The following ANKRD36B variants were observed in gnomAD, a reference collection of about 807,000 sequenced individuals.
ANKRD36B encodes the protein ankyrin repeat domain-containing protein 36B.
Under a neutral mutation model 135.7 loss-of-function variants are expected in ANKRD36B, and 37 were observed. That is an observed-to-expected ratio of 0.27 (90% CI 0.21 to 0.36). ANKRD36B has a LOEUF of 0.36. Among genes scored for constraint, ANKRD36B ranks in the 10% least tolerant of loss-of-function variants. The pLI, the probability that ANKRD36B is intolerant of heterozygous loss-of-function variation, is 1.00. For missense variants in ANKRD36B, 549 were observed against 1,037.1 expected (o/e 0.53, Z 6.46); for synonymous variants, 179 against 348.1 (o/e 0.51, Z 5.41).
At chr2:97,577,622 A>C (rs1235196649) in intron 5 of ANKRD36B, among the ~76,000 whole-genome samples, 1 of 149,360 alleles carries the variant, frequency 6.7e-6, no homozygotes, top group Non-Finnish European at 1.5e-5. Context: ...AAGCAAGCAC[A>C]AAGCCTTACT....
intron 6 of ANKRD36B, among the ~76,000 whole-genome samples, chr2:97,570,742 G>A (rs1335824631): frequency 1.3e-5 from 2 of 152,156 alleles, no homozygotes; most frequent in Non-Finnish European, 2.9e-5. Context: ...TTTGCCCTGA[G>A]CCAATTTTAC....
chr2:97,553,476 T>A (rs1039325335), intron 14 of ANKRD36B, 105 bp from the exon 15 acceptor site: 2 of 1,338,844 alleles, frequency 1.5e-6, no homozygotes, highest in Non-Finnish European at 2.1e-6. Flanking sequence ...CCTGTATTAG[T>A]GTAGGCTTTG....
rs1272746325 is a variant in ANKRD36B at position 97,538,804 on chromosome 2, C to A, written c.1988-441G>T. On this transcript the variant is annotated intron_variant, in intron 30 of 43. Coordinates refer to ENST00000359901, the MANE Select transcript of ANKRD36B (RefSeq NM_001393939.1). ...AGTATTCATCATGCTCTTTAACTTG[C>A]CTGGTAATTGAGCAGGTACACAATG... 2.1e-5 allele frequency among the ~76,000 whole-genome samples: 2 copies of A among 97,030 alleles called. 1 individual carries two copies. Among genetic ancestry groups the A allele is most frequent in the Non-Finnish European group, 5.5e-5 (2 of 36,450 alleles). The allele number at this position is 97,030 out of a possible 152,430, so 63.7% of individuals were successfully genotyped here. A position where few individuals can be genotyped will look rare whatever the true frequency, so the allele number is the denominator to read the frequency against.
At chr2:97,515,070 T>G (rs1472659704) in intron 37 of ANKRD36B, among the ~76,000 whole-genome samples, 1 of 71,668 alleles carries the variant, frequency 1.4e-5, no homozygotes, top group African/African-American at 4.4e-5. Flanking sequence ...ACCTGGCTAA[T>G]TTTTTGTATT....
At chr2:97,560,951 T>A (rs1325681114) in intron 6 of ANKRD36B, 91 bp from the exon 7 acceptor site, 19 of 1,072,180 alleles carry the variant, frequency 1.8e-5, no homozygotes, top group Non-Finnish European at 2.5e-5. Flanking sequence ...TAGCATCAAG[T>A]TTTGTACTCC....
chr2:97,572,498 T>C (rs2081949783), intron 6 of ANKRD36B, among the ~76,000 whole-genome samples: 1 of 125,848 alleles, frequency 7.9e-6, no homozygotes, highest in African/African-American at 2.7e-5. Flanking sequence ...TTAACTTAAT[T>C]TGAAAATTTA....
rs773406346 is a variant in ANKRD36B at position 97,578,893 on chromosome 2, C to T, written c.695+13G>A. The T allele has an allele frequency of 3.3e-5, 53 of 1,608,450 alleles. No individual in the cohort carries two copies. The highest frequency in any genetic ancestry group is 1.8e-4 in the East Asian group (8 of 44,798). ...AATTTAGTGTTCATTAGCCTTTTTA[C>T]GTAAAGACTTACACTCTATTCTCAG... On this transcript the variant is annotated intron_variant, in intron 5 of 43. Transcript: ENST00000359901.
chr2:97,551,594 T>C, intron 16 of ANKRD36B, 114 bp from the exon 17 acceptor site: 2 of 1,503,316 alleles, frequency 1.3e-6, no homozygotes, highest in Non-Finnish European at 1.8e-6. Context: ...AGCGTAGGTT[T>C]TGATGGCTTC....
chr2:97,537,108 T>C lies in ANKRD36B; in HGVS notation c.2090-612A>G, dbSNP rs572237804. Among the ~76,000 whole-genome samples the C allele has an allele frequency of 2.4e-4, 23 of 96,328 alleles. 6 individuals are homozygous for C. Among genetic ancestry groups the C allele is most frequent in the African/African-American group, 7.1e-4 (23 of 32,196 alleles). The allele number at this position is 96,328 out of a possible 152,430, so 63.2% of individuals were successfully genotyped here. The stretch of plus-strand genomic sequence containing the variant: ...TAATAGTCTGCCTACATTTCTTATA[T>C]CCTCTAGTTTAGCCTTCAGAAAGTT... On this transcript the variant is annotated intron_variant, in intron 32 of 43. Transcript: ENST00000359901.
At chr2:97,587,855 C>T (rs1441874604) in intron 1 of ANKRD36B, among the ~76,000 whole-genome samples, 2 of 152,084 alleles carry the variant, frequency 1.3e-5, no homozygotes, top group Non-Finnish European at 2.9e-5. Flanking sequence ...CCTTCTCCTC[C>T]CAGGAACACT....
intron 6 of ANKRD36B, among the ~76,000 whole-genome samples, chr2:97,571,562 T>C (rs924654741): frequency 1.1e-4 from 16 of 151,314 alleles, no homozygotes; most frequent in East Asian, 2.0e-4. Flanking sequence ...AGGAGAAGCG[T>C]TTGAACCCAG....
At chr2:97,524,462 T>C (rs539163105) in intron 35 of ANKRD36B, 1 of 96,586 alleles carries the variant, frequency 1.0e-5, no homozygotes, top group South Asian at 2.3e-4. Context: ...ATTTTCACAG[T>C]CTACTTTATT....
At chr2:97,564,506 T>C (rs1322039138) in intron 6 of ANKRD36B, among the ~76,000 whole-genome samples, 2 of 152,206 alleles carry the variant, frequency 1.3e-5, no homozygotes, top group African/African-American at 4.8e-5. Context: ...TTTTTATACA[T>C]TGAGAACTTA....
Position 97,560,654 on chromosome 2 carries a change from T to C in ANKRD36B, c.865+11A>G. 6.2e-7 allele frequency: 1 copy of C among 1,601,630 alleles called. No homozygotes were observed. Among genetic ancestry groups the C allele is most frequent in the Non-Finnish European group, 8.5e-7 (1 of 1,178,094 alleles). Reference sequence around the variant, plus strand: ...ATTGAACATGACATTAGATGTGTTTTGCAAAATTACCTGTCCCAGATATAG... The same window carrying C: ...ATTGAACATGACATTAGATGTGTTTCGCAAAATTACCTGTCCCAGATATAG... On this transcript the variant is annotated intron_variant, in intron 8 of 43. Coordinates refer to ENST00000359901, the MANE Select transcript of ANKRD36B (RefSeq NM_001393939.1).
At chr2:97,579,835 T>TATATAA (rs1436733681) in intron 4 of ANKRD36B, among the ~76,000 whole-genome samples, 6 of 152,082 alleles carry the variant, frequency 3.9e-5, no homozygotes, top group Admixed American at 3.9e-4. Context: ...TATATATATA[T>TATATAA]AATGTTACTT....
At chr2:97,572,007 T>G (rs561039350) in intron 6 of ANKRD36B, among the ~76,000 whole-genome samples, 3 of 152,070 alleles carry the variant, frequency 2.0e-5, no homozygotes, top group Admixed American at 2.0e-4. Context: ...GCACGATGGC[T>G]CATGACCATA....
intron 8 of ANKRD36B, 55 bp downstream of exon 8, chr2:97,560,610 G>C: frequency 6.3e-7 from 1 of 1,592,498 alleles, no homozygotes. Flanking sequence ...TTGGGGAAGG[G>C]AATTTCTCTT....
intron 12 of ANKRD36B, among the ~76,000 whole-genome samples, chr2:97,556,694 C>G (rs181481213): frequency 6.6e-6 from 1 of 151,892 alleles, no homozygotes. Flanking sequence ...CTTATGTCTT[C>G]AACTGTTTTC....
At chr2:97,587,245 T>G (rs2083073164) in intron 1 of ANKRD36B, among the ~76,000 whole-genome samples, 1 of 152,242 alleles carries the variant, frequency 6.6e-6, no homozygotes, top group Non-Finnish European at 1.5e-5. Flanking sequence ...GCAAGATTTA[T>G]ATTTCTTCTT....
Sources: allele counts gnomAD v4.1 joint callset (sites outside exome capture counted in the v4.1 genomes callset), GRCh38; gene constraint gnomAD v4.1.1; transcripts MANE v1.5; gene names NCBI Gene and HGNC (gene_info 2026-07-23, HGNC 2026-07-21).